Variants in VPS13C observed in about 807,000 individuals in gnomAD.
VPS13C encodes intermembrane lipid transfer protein VPS13C.
A neutral mutation model predicts 456.8 loss-of-function variants in VPS13C; 358 were observed. The ratio of observed to expected loss-of-function variants is 0.78; its 90% CI spans 0.72 to 0.86. The LOEUF (loss-of-function observed/expected upper bound fraction) is 0.86, where lower values mean the gene tolerates loss of function less well. Ranked by LOEUF, VPS13C falls within the 40% of genes least tolerant of loss-of-function variation. VPS13C has a pLI of 0.00. For synonymous variants in VPS13C, 1,578 were observed against 1,486.7 expected (o/e 1.06, Z -1.41); for missense variants, 4,818 against 4,385.4 (o/e 1.10, Z -2.79).
At chr15:61,935,811 T>C (rs1390438780) in intron 48 of VPS13C, 1 of 152,202 alleles carries the variant, frequency 6.6e-6, no homozygotes, top group Non-Finnish European at 1.5e-5. Context: ...GCAGTGTTGA[T>C]ATGGTATATC....
chr15:61,898,578 C>T (rs1245490523), intron 66 of VPS13C, among the ~76,000 whole-genome samples: 9 of 149,768 alleles, frequency 6.0e-5, no homozygotes, highest in Middle Eastern at 3.2e-3. Context: ...ATGCACCCAA[C>T]ACAGGAGCAC....
At chr15:61,882,092 T>C (rs1895899666) in intron 69 of VPS13C, among the ~76,000 whole-genome samples, 1 of 152,184 alleles carries the variant, frequency 6.6e-6, no homozygotes, top group Non-Finnish European at 1.5e-5. Context: ...TACTTGTATC[T>C]ATGGATCCTG....
At chr15:61,900,412 A>G (rs539134934) in intron 66 of VPS13C, among the ~76,000 whole-genome samples, 24 of 152,364 alleles carry the variant, frequency 1.6e-4, no homozygotes, top group East Asian at 1.5e-3. Flanking sequence ...AACTTCAGCA[A>G]AGTCTCAGGA....
At chr15:61,884,875 T>C (rs908030384) in intron 67 of VPS13C, among the ~76,000 whole-genome samples, 19 of 152,122 alleles carry the variant, frequency 1.2e-4, no homozygotes, top group Non-Finnish European at 2.1e-4. Flanking sequence ...TGAGCATATA[T>C]ATCACTTGGA....
intron 16 of VPS13C, among the ~76,000 whole-genome samples, chr15:61,993,969 T>C (rs1008176076): frequency 4.6e-5 from 7 of 152,068 alleles, no homozygotes; most frequent in Non-Finnish European, 8.8e-5. Context: ...CATATATATA[T>C]ATATATGAGA....
At chr15:62,006,788 G>A (rs978302999) in intron 15 of VPS13C, among the ~76,000 whole-genome samples, 2 of 151,890 alleles carry the variant, frequency 1.3e-5, no homozygotes, top group South Asian at 2.1e-4. Flanking sequence ...CTTTTTAATG[G>A]TCGCCATTCT....
chr15:62,025,337 G>A (rs1418014091), intron 6 of VPS13C, among the ~76,000 whole-genome samples: 27 of 152,050 alleles, frequency 1.8e-4, no homozygotes. Context: ...CATTTAATAA[G>A]TAATGTAACA....
intron 1 of VPS13C, among the ~76,000 whole-genome samples, chr15:62,048,513 C>T (rs376183535): frequency 4.6e-5 from 7 of 152,168 alleles, no homozygotes; most frequent in South Asian, 2.1e-4. Context: ...TTGTTGGACA[C>T]TTGGGTTGGT....
At chr15:61,948,555 C>T (rs1173178287) in intron 42 of VPS13C, among the ~76,000 whole-genome samples, 1 of 151,912 alleles carries the variant, frequency 6.6e-6, no homozygotes, top group Admixed American at 6.6e-5. Context: ...TGGTGGTGAG[C>T]ACCTGTAATC....
chr15:61,896,747 A>G (rs1596305258), intron 66 of VPS13C, among the ~76,000 whole-genome samples: 1 of 152,218 alleles, frequency 6.6e-6, no homozygotes, highest in Non-Finnish European at 1.5e-5. Flanking sequence ...GGTGTAGCCC[A>G]CCACAGCTCA....
At chr15:61,896,877 G>A (rs1212454833) in intron 66 of VPS13C, among the ~76,000 whole-genome samples, 2 of 152,174 alleles carry the variant, frequency 1.3e-5, no homozygotes, top group Non-Finnish European at 2.9e-5. Context: ...AGAGAGCAGT[G>A]GTTCTCCCAG....
At chr15:61,868,017 T>A in intron 81 of VPS13C, 2 of 1,070,028 alleles carry the variant, frequency 1.9e-6, no homozygotes, top group South Asian at 2.8e-5. Context: ...CGTAATCATA[T>A]ACAATAAAAA....
chr15:61,961,111 A>G (rs1473310981), intron 35 of VPS13C, among the ~76,000 whole-genome samples: 2 of 148,452 alleles, frequency 1.3e-5, no homozygotes, highest in African/African-American at 5.0e-5. Flanking sequence ...CTTCTGGGCC[A>G]GGCGCGGTGG....
intron 9 of VPS13C, among the ~76,000 whole-genome samples, chr15:62,014,331 T>A (rs1370822863): frequency 3.3e-5 from 5 of 152,082 alleles, no homozygotes; most frequent in African/African-American, 1.2e-4. Flanking sequence ...AAACAAGTAA[T>A]TGTTTTGTAA....
chr15:61,902,028 A>G (rs921945862), intron 66 of VPS13C, among the ~76,000 whole-genome samples: 2 of 149,476 alleles, frequency 1.3e-5, no homozygotes, highest in East Asian at 2.0e-4. Flanking sequence ...AACCAAACAC[A>G]GCATATTCTC....
chr15:61,918,601 C>T (rs2043548269), intron 58 of VPS13C, among the ~76,000 whole-genome samples: 1 of 151,908 alleles, frequency 6.6e-6, no homozygotes, highest in Non-Finnish European at 1.5e-5. Flanking sequence ...AACAACTAAA[C>T]AGAAATGGAT....
intron 53 of VPS13C, among the ~76,000 whole-genome samples, chr15:61,924,023 G>A (rs1281024219): frequency 5.3e-5 from 8 of 150,154 alleles, no homozygotes; most frequent in Non-Finnish European, 1.2e-4. Context: ...CCGCCACTAC[G>A]CCCGGCTAAT....
In VPS13C at chr15:61,961,828, T is replaced by G; in HGVS notation, c.3669A>C (p.Glu1223Asp). ...GATCTTTCACACTTGTGGCAGCCCT[T>G]TCTGCAGCCTGGGCAGTGGCAGCAC... Reference protein sequence around the residue: ...SLSAATAQAAERAATSVKDLA... With the variant: ...SLSAATAQAADRAATSVKDLA... Residue 1223 changes from glutamate to aspartate, a missense_variant, in exon 35 of 85, where the codon GAA becomes GAC. Physicochemically the swap from Glu to Asp is conservative, Grantham distance 45. Transcript: ENST00000644861. 1.2e-6 allele frequency: 2 copies of G among 1,614,040 alleles called. No individual in the cohort carries two copies. The highest frequency in any genetic ancestry group is 1.1e-5 in the South Asian group (1 of 91,076).
intron 81 of VPS13C, chr15:61,864,738 G>A (rs917900318): frequency 1.1e-5 from 11 of 985,352 alleles, no homozygotes; most frequent in African/African-American, 3.5e-5. Context: ...AGAGAGGAGT[G>A]CAGATTTCAC....
Sources: allele counts gnomAD v4.1 joint callset (sites outside exome capture counted in the v4.1 genomes callset), GRCh38; gene constraint gnomAD v4.1.1; transcripts MANE v1.5; gene names NCBI Gene and HGNC (gene_info 2026-07-23, HGNC 2026-07-21).